CEP63: variants seen among roughly 807,000 people sequenced by gnomAD.
CEP63 encodes the protein centrosomal protein of 63 kDa.
CEP63 carries 84 observed loss-of-function variants against 89.1 expected under a neutral mutation model. The ratio of observed to expected loss-of-function variants is 0.94; its 90% CI spans 0.79 to 1.13. The LOEUF is 1.13. Ranked by LOEUF, CEP63 falls within the 50% of genes most tolerant of loss-of-function variation. The pLI is 0.00. For synonymous variants in CEP63, 267 were observed against 272.5 expected (o/e 0.98, Z 0.20); for missense variants, 838 against 813.3 (o/e 1.03, Z -0.37).
chr3:134,491,621 T>G (rs1937573998), intron 1 of CEP63, among the ~76,000 whole-genome samples: 1 of 152,262 alleles, frequency 6.6e-6, no homozygotes. Context: ...AAAACTTTAA[T>G]ATTTTGAAAA....
At chr3:134,598,670 C>A in the CEP63 span, among the ~76,000 whole-genome samples, 2 of 152,148 alleles carry the variant, frequency 1.3e-5, no homozygotes, top group Non-Finnish European at 2.9e-5. Context: ...GGAGGTGAGA[C>A]ACATCCAGAA....
intron 5 of CEP63, among the ~76,000 whole-genome samples, chr3:134,533,323 T>G (rs1379758989): frequency 6.6e-6 from 1 of 152,192 alleles, no homozygotes; most frequent in African/African-American, 2.4e-5. Context: ...TTATAGGCAG[T>G]CCTCTATGGA....
At chr3:134,556,500 C>G (rs566211746) in intron 12 of CEP63, among the ~76,000 whole-genome samples, 1 of 152,142 alleles carries the variant, frequency 6.6e-6, no homozygotes, top group South Asian at 2.1e-4. Flanking sequence ...TTGATATCCC[C>G]TAATAAAGTC....
intron 3 of CEP63, among the ~76,000 whole-genome samples, chr3:134,527,960 A>T (rs1372972842): frequency 1.3e-5 from 2 of 152,212 alleles, no homozygotes; most frequent in South Asian, 4.2e-4. Context: ...ATGCCCCACC[A>T]CAGATTCTCT....
the CEP63 span, among the ~76,000 whole-genome samples, chr3:134,752,206 G>C: frequency 9.9e-3 from 1,510 of 152,302 alleles, 7 homozygotes; most frequent in Non-Finnish European, 0.016. Flanking sequence ...AGGGGCAAGA[G>C]GGAACCAGAG....
the CEP63 span, among the ~76,000 whole-genome samples, chr3:134,666,955 T>C: frequency 6.6e-6 from 1 of 152,198 alleles, no homozygotes; most frequent in Non-Finnish European, 1.5e-5. Context: ...GGAAAGCCCA[T>C]GCTCACTCCC....
chr3:134,760,932 A>G, the CEP63 span, among the ~76,000 whole-genome samples: 1 of 151,132 alleles, frequency 6.6e-6, no homozygotes, highest in African/African-American at 2.4e-5. Flanking sequence ...TGACCTCCCC[A>G]CTCAGTTGTC....
intron 3 of CEP63, among the ~76,000 whole-genome samples, chr3:134,515,019 G>A (rs187854960): frequency 6.6e-6 from 1 of 152,214 alleles, no homozygotes; most frequent in African/African-American, 2.4e-5. Context: ...CCCAGCTAAC[G>A]GTAATTGCCT....
intron 2 of CEP63, among the ~76,000 whole-genome samples, chr3:134,501,173 T>C (rs552089959): frequency 2.6e-5 from 4 of 152,320 alleles, no homozygotes; most frequent in African/African-American, 9.6e-5. Flanking sequence ...TTTCTGGTTC[T>C]CTGTTTTGTT....
At chr3:134,696,598 A>G in the CEP63 span, among the ~76,000 whole-genome samples, 1 of 152,308 alleles carries the variant, frequency 6.6e-6, no homozygotes, top group South Asian at 2.1e-4. Flanking sequence ...AATGAGAAAG[A>G]ATGATTGCCC....
intron 1 of CEP63, 181 bp downstream of exon 1, chr3:134,486,383 C>A (rs1337530111): frequency 1.0e-6 from 1 of 985,558 alleles, no homozygotes; most frequent in Non-Finnish European, 1.2e-6. Context: ...AACCACCAGG[C>A]GCGTCCCCGC....
intron 2 of CEP63, among the ~76,000 whole-genome samples, chr3:134,505,654 G>A (rs927126417): frequency 6.6e-6 from 1 of 152,142 alleles, no homozygotes; most frequent in East Asian, 1.9e-4. Flanking sequence ...CCTCTCCAAG[G>A]TCCCTGGATG....
At chr3:134,648,135 G>A in the CEP63 span, among the ~76,000 whole-genome samples, 1 of 152,218 alleles carries the variant, frequency 6.6e-6, no homozygotes, top group Admixed American at 6.5e-5. Flanking sequence ...ATGGGGATAC[G>A]TTCTGGCAGC....
At chr3:134,629,884 G>GA in the CEP63 span, among the ~76,000 whole-genome samples, 1 of 152,164 alleles carries the variant, frequency 6.6e-6, no homozygotes. Context: ...ATTCAGGCAA[G>GA]ATGGAGTAAA....
At chr3:134,624,474 C>T in the CEP63 span, among the ~76,000 whole-genome samples, 6 of 152,212 alleles carry the variant, frequency 3.9e-5, no homozygotes, top group Non-Finnish European at 7.3e-5. Context: ...ACACCTTGTT[C>T]CTCCTATCAG....
intron 2 of CEP63, among the ~76,000 whole-genome samples, chr3:134,505,697 G>A (rs1943279996): frequency 6.6e-6 from 1 of 152,166 alleles, no homozygotes; most frequent in African/African-American, 2.4e-5. Flanking sequence ...ATCACGGTAG[G>A]TTGATTCTAA....
At chr3:134,661,163 T>C in the CEP63 span, among the ~76,000 whole-genome samples, 1 of 152,336 alleles carries the variant, frequency 6.6e-6, no homozygotes, top group African/African-American at 2.4e-5. Context: ...AGCCATGGCA[T>C]ATGTGCTTCT....
chr3:134,528,459 T>C (rs1475497180), intron 3 of CEP63, among the ~76,000 whole-genome samples: 2 of 152,216 alleles, frequency 1.3e-5, no homozygotes, highest in African/African-American at 4.8e-5. Context: ...GCAGATCTTA[T>C]GAAATCATTT....
chr3:134,537,281 C>T lies in CEP63; in HGVS notation c.555+13C>T, dbSNP rs1463332805. The T allele has an allele frequency of 1.3e-6, 2 of 1,519,560 alleles. No individual in the cohort carries two copies. Among genetic ancestry groups the T allele is most frequent in the Non-Finnish European group, 9.1e-7 (1 of 1,093,622 alleles). The allele number at this position is 1,519,560 out of a possible 1,614,324, so 94.1% of individuals were successfully genotyped here. A position where few individuals can be genotyped will look rare whatever the true frequency, so the allele number is the denominator to read the frequency against. On this transcript the variant is annotated intron_variant, in intron 6 of 14. Coordinates refer to ENST00000675561, the MANE Select transcript of CEP63 (RefSeq NM_001353108.3). ...AGAGATAATTCAGGTAGGCCTAAGACTTTTTAAAATAATGAGAAGCAGATA... is the reference window on the plus strand; with the variant it reads ...AGAGATAATTCAGGTAGGCCTAAGATTTTTTAAAATAATGAGAAGCAGATA...
Sources: allele counts gnomAD v4.1 joint callset (sites outside exome capture counted in the v4.1 genomes callset), GRCh38; gene constraint gnomAD v4.1.1; transcripts MANE v1.5; gene names NCBI Gene and HGNC (gene_info 2026-07-23, HGNC 2026-07-21).